The following PAH variants were observed in gnomAD, a reference collection of about 807,000 sequenced individuals.
PAH encodes phenylalanine-4-hydroxylase.
PAH carries 64 observed loss-of-function variants against 62.0 expected under a neutral mutation model. The observed-to-expected ratio is 1.03, with a 90% confidence interval of 0.84 to 1.27. The LOEUF is 1.27. Ranked by LOEUF, PAH falls within the 50% of genes most tolerant of loss-of-function variation. The pLI is 0.00. For missense variants in PAH, 579 were observed against 542.8 expected, an observed-to-expected ratio of 1.07 and a Z score of -0.66; for synonymous variants, 195 against 196.2, an observed-to-expected ratio of 0.99 and a Z score of 0.05.
At chr12:102,906,248 T>C (rs1319092941) in intron 2 of PAH, among the ~76,000 whole-genome samples, 3 of 152,214 alleles carry the variant, frequency 2.0e-5, no homozygotes, top group Non-Finnish European at 4.4e-5. Flanking sequence ...AGTATTCTCA[T>C]GTTGAACCAG....
intron 11 of PAH, among the ~76,000 whole-genome samples, 185 bp downstream of exon 11, chr12:102,843,461 C>T (rs1254354219): frequency 6.6e-6 from 1 of 152,010 alleles, no homozygotes; most frequent in African/African-American, 2.4e-5. Context: ...GTGCAAAGGT[C>T]AGCATGCCCA....
intron 2 of PAH, among the ~76,000 whole-genome samples, chr12:102,912,038 C>T (rs1878220468): frequency 6.6e-6 from 1 of 152,240 alleles, no homozygotes; most frequent in Non-Finnish European, 1.5e-5. Flanking sequence ...GTTTCCTAAA[C>T]TCTGTTCCCA....
chr12:102,837,359 T>A lies in PAH; in HGVS notation c.*1816A>T, dbSNP rs1466811443. The stretch of plus-strand genomic sequence containing the variant: ...CTCTTCAATATTGTCAAAAATATTA[T>A]CTAATATTTAAGTTCCAGAGTCAAT... On this transcript the variant is annotated 3_prime_UTR_variant, in exon 13 of 13. Coordinates refer to ENST00000553106, the MANE Select transcript of PAH (RefSeq NM_000277.3). The A allele has an allele frequency of 6.6e-6, 1 of 152,264 alleles. No homozygotes were observed. The highest frequency in any genetic ancestry group is 2.4e-5 in the African/African-American group (1 of 41,474). 9.4% of individuals were successfully genotyped at this position (152,264 alleles called of 1,614,324 possible).
rs1187613204 is a variant in PAH at position 102,908,630 on chromosome 12, C to T, written c.168+4161G>A. Among the ~76,000 whole-genome samples the T allele has an allele frequency of 2.7e-5, 4 of 146,384 alleles. No individual in the cohort carries two copies. The East Asian group carries it at 7.8e-4, about 29-fold the overall frequency. On this transcript the variant is annotated intron_variant, in intron 2 of 12. Transcript: ENST00000553106. ...TAGAAATGATAGCACAGAGTTTCCACATAACCTGGACTCAGTGTCCCCCAT... is the reference window on the plus strand; with the variant it reads ...TAGAAATGATAGCACAGAGTTTCCATATAACCTGGACTCAGTGTCCCCCAT...
chr12:102,905,440 A>T (rs1289402562), intron 2 of PAH, among the ~76,000 whole-genome samples: 1 of 152,180 alleles, frequency 6.6e-6, no homozygotes, highest in Non-Finnish European at 1.5e-5. Context: ...CAACATTCCC[A>T]GTTTAAAGAT....
chr12:102,873,083 G>A (rs1440719238), intron 4 of PAH, among the ~76,000 whole-genome samples: 1 of 152,000 alleles, frequency 6.6e-6, no homozygotes, highest in Non-Finnish European at 1.5e-5. Context: ...TAGATCTGTA[G>A]CCTAGACTCC....
intron 1 of PAH, among the ~76,000 whole-genome samples, chr12:102,928,492 C>G (rs1592995537): frequency 6.6e-6 from 1 of 152,066 alleles, no homozygotes; most frequent in Non-Finnish European, 1.5e-5. Context: ...CTCTGGTTCT[C>G]AAGGGAAGCA....
chr12:102,924,626 C>A (rs1355494784), intron 1 of PAH, among the ~76,000 whole-genome samples: 1 of 152,090 alleles, frequency 6.6e-6, no homozygotes, highest in African/African-American at 2.4e-5. Context: ...AAGTCTTCAA[C>A]CTCTCACCAG....
chr12:102,856,889 A>C (rs1875460957), intron 5 of PAH, among the ~76,000 whole-genome samples: 1 of 152,242 alleles, frequency 6.6e-6, no homozygotes, highest in African/African-American at 2.4e-5. Flanking sequence ...GGGAAAAAAC[A>C]GAGCAGAAAA....
chr12:102,895,941 G>T (rs2136703779), intron 2 of PAH, among the ~76,000 whole-genome samples: 1 of 148,886 alleles, frequency 6.7e-6, no homozygotes, highest in East Asian at 2.0e-4. Context: ...ATATACATTT[G>T]TAACACCCAA....
In PAH at chr12:102,879,947, C is replaced by T. The variant is rs541823176; in HGVS notation, c.353-2397G>A. 3.3e-5 allele frequency among the ~76,000 whole-genome samples: 5 copies of T among 152,326 alleles called. No homozygotes were observed. The East Asian group carries it at 5.8e-4, about 18-fold the overall frequency. On this transcript the variant is annotated intron_variant, in intron 3 of 12. Coordinates refer to ENST00000553106, the MANE Select transcript of PAH (RefSeq NM_000277.3). Reference sequence around the variant, plus strand: ...CCATCACTCCAGGTAACACTTCTGTCGTACTTGCTGTGTGTTGGACACTGC... The same window carrying T: ...CCATCACTCCAGGTAACACTTCTGTTGTACTTGCTGTGTGTTGGACACTGC...
intron 10 of PAH, 47 bp downstream of exon 10, chr12:102,844,289 G>A (rs375326510): frequency 1.2e-4 from 163 of 1,312,584 alleles, no homozygotes; most frequent in Non-Finnish European, 9.0e-5. Context: ...ATGGTTTTCT[G>A]TACCCACCAC....
chr12:102,912,718 T>TAGTTAGA, intron 2 of PAH, 73 bp downstream of exon 2: 1 of 1,057,730 alleles, frequency 9.5e-7, no homozygotes, highest in Non-Finnish European at 1.5e-6. Flanking sequence ...GTTCTTTTCA[T>TAGTTAGA]TGCATCTAAC....
Position 102,838,966 on chromosome 12 carries a change from C to T in PAH, c.*209G>A. The T allele has an allele frequency of 1.7e-6, 1 of 586,858 alleles. No homozygotes were observed. The highest frequency in any genetic ancestry group is 3.0e-6 in the Non-Finnish European group (1 of 330,030). 36.4% of individuals were successfully genotyped at this position (586,858 alleles called of 1,614,324 possible). ...TATCATCTCTAAATCAAAGATGACC[C>T]CAAAAGATTTACCATTATGCTCTTG... On this transcript the variant is annotated 3_prime_UTR_variant, in exon 13 of 13. Transcript: ENST00000553106.
rs562383978 is a variant in PAH at position 102,872,535 on chromosome 12, T to G, written c.441+4927A>C. On this transcript the variant is annotated intron_variant, in intron 4 of 12. Transcript: ENST00000553106. ...GAAGGAACTCTGACAGGGCCTCAGGTGGAGAAAATTAGGTGGGCAAAAGGA... is the reference window on the plus strand; with the variant it reads ...GAAGGAACTCTGACAGGGCCTCAGGGGGAGAAAATTAGGTGGGCAAAAGGA... Among the ~76,000 whole-genome samples the G allele has an allele frequency of 2.6e-5, 4 of 152,202 alleles. No homozygotes were observed. The East Asian group carries it at 7.7e-4, about 29-fold the overall frequency.
chr12:102,869,164 G>T (rs1247606076), intron 4 of PAH, among the ~76,000 whole-genome samples: 1 of 152,168 alleles, frequency 6.6e-6, no homozygotes, highest in Non-Finnish European at 1.5e-5. Flanking sequence ...CTAGGAATGA[G>T]ATATCCATGA....
chr12:102,938,760 C>G (rs767410831), intron 1 of PAH, among the ~76,000 whole-genome samples: 22 of 152,168 alleles, frequency 1.4e-4, no homozygotes, highest in Non-Finnish European at 2.2e-4. Context: ...CAAATACTGT[C>G]TCAAGCCTCC....
upstream of PAH, chr12:102,917,710 A>T (rs1474407367): frequency 6.2e-6 from 1 of 161,224 alleles, no homozygotes; most frequent in Non-Finnish European, 1.4e-5. Flanking sequence ...CTACAGCTAG[A>T]GGGCACGTGA....
chr12:102,943,580 T>C (rs996708934), intron 1 of PAH, among the ~76,000 whole-genome samples: 3 of 152,070 alleles, frequency 2.0e-5, no homozygotes, highest in African/African-American at 4.8e-5. Context: ...CAAAGGAATA[T>C]AAATCATTCT....
Sources: gnomAD v4.1 joint callset for allele counts (sites outside exome capture counted in the v4.1 genomes callset) on GRCh38, gnomAD v4.1.1 for gene constraint, MANE v1.5 for transcripts, NCBI Gene and HGNC (gene_info 2026-07-23, HGNC 2026-07-21) for gene names.